The following DMD variants were observed in gnomAD, a reference collection of about 807,000 sequenced individuals.
DMD encodes the protein dystrophin.
Under a neutral mutation model 330.1 loss-of-function variants are expected in DMD, and 63 were observed. That is an observed-to-expected ratio of 0.19 (90% CI 0.16 to 0.24). The LOEUF (loss-of-function observed/expected upper bound fraction) is 0.24. Ranked by LOEUF, DMD falls within the 10% of genes least tolerant of loss-of-function variation. DMD has a pLI of 1.00. For synonymous variants in DMD, 1,223 were observed against 959.8 expected, an observed-to-expected ratio of 1.27 and a Z score of -5.07; for missense variants, 3,344 against 2,684.1, an observed-to-expected ratio of 1.25 and a Z score of -5.43.
At chrX:32,085,216 A>T (rs1020962364) in intron 44 of DMD, among the ~76,000 whole-genome samples, 1 of 111,578 alleles carries the variant, frequency 9.0e-6, no homozygotes, top group African/African-American at 3.3e-5. Context: ...AGTGTAAGTT[A>T]TATACACACA....
intron 63 of DMD, among the ~76,000 whole-genome samples, chrX:31,244,457 C>T (rs1431016238): frequency 8.9e-6 from 1 of 112,016 alleles, no homozygotes; most frequent in Non-Finnish European, 1.9e-5. Flanking sequence ...TAACACTTTA[C>T]TTGGCTTTCT....
chrX:32,212,322 C>T (rs368850985), intron 44 of DMD, among the ~76,000 whole-genome samples: 14 of 111,185 alleles, frequency 1.3e-4, no homozygotes, highest in African/African-American at 2.9e-4. Flanking sequence ...TGTTTAGAGA[C>T]GATAATTCAG....
At chrX:31,222,252 G>C (rs1394040015) in intron 64 of DMD, among the ~76,000 whole-genome samples, 1 of 107,773 alleles carries the variant, frequency 9.3e-6, no homozygotes, top group Non-Finnish European at 1.9e-5. Context: ...GCCGGGCATG[G>C]TGGGGCATGC....
At chrX:32,630,404 A>G (rs1421502883) in intron 11 of DMD, among the ~76,000 whole-genome samples, 2 of 108,468 alleles carry the variant, frequency 1.8e-5, no homozygotes, top group African/African-American at 6.7e-5. Context: ...AAATGCCCTG[A>G]GGTAGTCTTA....
intron 60 of DMD, among the ~76,000 whole-genome samples, chrX:31,358,493 G>T (rs914770004): frequency 4.5e-5 from 5 of 112,010 alleles, no homozygotes; most frequent in African/African-American, 1.6e-4. Context: ...ACAGTACAGT[G>T]TAATAAAAAT....
chrX:32,876,998 A>C (rs1158057660), intron 2 of DMD, among the ~76,000 whole-genome samples: 2 of 112,565 alleles, frequency 1.8e-5, no homozygotes, highest in Non-Finnish European at 3.7e-5. Flanking sequence ...AATAATAGAC[A>C]CAGAAGTGCC....
intron 16 of DMD, among the ~76,000 whole-genome samples, chrX:32,563,984 G>A (rs1028760345): frequency 9.0e-6 from 1 of 111,616 alleles, no homozygotes; most frequent in African/African-American, 3.3e-5. Context: ...GTATCCAATA[G>A]TCTTATTTAC....
At chrX:32,465,734 C>G (rs966112015) in intron 23 of DMD, among the ~76,000 whole-genome samples, 2 of 109,751 alleles carry the variant, frequency 1.8e-5, no homozygotes, top group Non-Finnish European at 3.8e-5. Context: ...TACAGGCGTG[C>G]ACTACCATGC....
At chrX:32,122,670 G>A (rs1433190602) in intron 44 of DMD, among the ~76,000 whole-genome samples, 2 of 111,353 alleles carry the variant, frequency 1.8e-5, no homozygotes, top group African/African-American at 6.5e-5. Context: ...CACAGTGCCT[G>A]CAACAGAACT....
chrX:32,503,642 G>A (rs1463643559), intron 18 of DMD, among the ~76,000 whole-genome samples: 3 of 110,979 alleles, frequency 2.7e-5, no homozygotes, highest in East Asian at 2.9e-4. Flanking sequence ...TGCAACCTCT[G>A]CCTCCCGGGT....
chrX:32,800,613 T>C (rs1342919536), intron 7 of DMD, among the ~76,000 whole-genome samples: 1 of 111,078 alleles, frequency 9.0e-6, no homozygotes, highest in Non-Finnish European at 1.9e-5. Context: ...AACGTGCAGG[T>C]TTGTTACATA....
intron 34 of DMD, among the ~76,000 whole-genome samples, chrX:32,373,228 T>G (rs2097886950): frequency 9.1e-6 from 1 of 109,894 alleles, no homozygotes; most frequent in African/African-American, 3.3e-5. Flanking sequence ...AAAACTTAGA[T>G]GAATCATTCT....
chrX:31,959,944 C>T (rs768614427), intron 45 of DMD, among the ~76,000 whole-genome samples: 60 of 108,858 alleles, frequency 5.5e-4, no homozygotes, highest in African/African-American at 1.8e-3. Context: ...TTCTTAGTAG[C>T]GATGTGGTTT....
intron 52 of DMD, among the ~76,000 whole-genome samples, chrX:31,680,264 C>G (rs2082302322): frequency 8.9e-6 from 1 of 111,990 alleles, no homozygotes; most frequent in African/African-American, 3.2e-5. Context: ...TTCCACTCTT[C>G]TACTGATTAA....
At chrX:32,384,754 A>C (rs936065103) in intron 33 of DMD, among the ~76,000 whole-genome samples, 2 of 110,859 alleles carry the variant, frequency 1.8e-5, no homozygotes, top group African/African-American at 6.5e-5. Context: ...ATTTCTGTCT[A>C]AGATGAGGTG....
chrX:32,211,176 G>A (rs1284901864), intron 44 of DMD, among the ~76,000 whole-genome samples: 1 of 111,412 alleles, frequency 9.0e-6, no homozygotes, highest in Non-Finnish European at 1.9e-5. Flanking sequence ...ATCACAGCAG[G>A]GTCACCATGC....
intron 47 of DMD, among the ~76,000 whole-genome samples, chrX:31,924,071 A>G (rs750320230): frequency 2.5e-4 from 28 of 112,064 alleles, no homozygotes; most frequent in Non-Finnish European, 4.1e-4. Context: ...AATGATTATT[A>G]TACTTCCTAC....
At chrX:32,727,651 C>G (rs973756402) in intron 7 of DMD, among the ~76,000 whole-genome samples, 4 of 110,810 alleles carry the variant, frequency 3.6e-5, no homozygotes, top group Non-Finnish European at 7.6e-5. Context: ...ATACATGTTA[C>G]TGCGTCATAA....
chrX:32,790,044 A>G (rs2075702040), intron 7 of DMD, among the ~76,000 whole-genome samples: 1 of 111,804 alleles, frequency 8.9e-6, no homozygotes, highest in African/African-American at 3.3e-5. Context: ...TTTCAACTGG[A>G]TATCATATGA....
Sources: allele counts gnomAD v4.1 joint callset (sites outside exome capture counted in the v4.1 genomes callset), GRCh38; gene constraint gnomAD v4.1.1; transcripts MANE v1.5; gene names NCBI Gene and HGNC (gene_info 2026-07-23, HGNC 2026-07-21).